The following ALDH8A1 variants were observed in gnomAD, a reference collection of about 807,000 sequenced individuals.
The protein encoded by ALDH8A1 is aldehyde dehydrogenase 8 family member A1.
In ALDH8A1, 39 loss-of-function variants were observed where a neutral mutation model predicts 43.3. That is an observed-to-expected ratio of 0.90 (90% CI 0.70 to 1.18). ALDH8A1 has a LOEUF of 1.18. Ranked by LOEUF, ALDH8A1 falls within the 50% of genes most tolerant of loss-of-function variation. The pLI is 0.00. For missense variants in ALDH8A1, 605 were observed against 622.6 expected, an observed-to-expected ratio of 0.97 and a Z score of 0.30; for synonymous variants, 233 against 243.5, an observed-to-expected ratio of 0.96 and a Z score of 0.40.
At chr6:134,938,112 G>A (rs1773778748) in intron 4 of ALDH8A1, among the ~76,000 whole-genome samples, 1 of 152,198 alleles carries the variant, frequency 6.6e-6, no homozygotes, top group African/African-American at 2.4e-5. Context: ...TACCCACCGG[G>A]CATTCTGTGG....
At chr6:134,929,378 G>A (rs1776942627) in intron 5 of ALDH8A1, among the ~76,000 whole-genome samples, 163 bp from the exon 6 acceptor site, 1 of 152,182 alleles carries the variant, frequency 6.6e-6, no homozygotes, top group Non-Finnish European at 1.5e-5. Flanking sequence ...TAGTCTTGTG[G>A]GAAAGACAAA....
Position 134,939,328 on chromosome 6 carries a change from GC to G in ALDH8A1, c.529del (p.Ala177ProfsTer6), listed in dbSNP as rs1457900866. 2 of 1,614,214 alleles carry G rather than the reference GC, an allele frequency of 1.2e-6. No homozygotes were observed. Among genetic ancestry groups the G allele is most frequent in the Non-Finnish European group, 1.7e-6 (2 of 1,180,034 alleles). ...CACTGAAGTCAGCTCACTGGGCTTG[GC>G]TATCACAGTGTTCCCTGCAGCCATC... ...PAMAAGNTVI[A>X]KPSELTSVTA... is the part of the protein sequence containing the mutation. On this transcript the variant is annotated frameshift_variant, in exon 4 of 7. Coordinates refer to ENST00000265605, the MANE Select transcript of ALDH8A1 (RefSeq NM_022568.4). LOFTEE classifies it high-confidence loss of function.
At position 134,944,006 on chromosome 6, in the gene ALDH8A1, G is replaced by C. The variant is rs368382422; in HGVS notation, c.139-40C>G. On this transcript the variant is annotated intron_variant, in intron 1 of 6. Transcript: ENST00000265605. ...TGGGAGAAAGGGTCACCTTAAAGCT[G>C]TTAGTCCTTGGGGGATGGACAAAAC... 1.8e-5 allele frequency: 28 copies of C among 1,591,772 alleles called. No individual in the cohort carries two copies. In the African/African-American group the frequency reaches 3.8e-4, roughly 21 times the overall value.
chr6:134,924,821 T>A (rs1206145741), intron 6 of ALDH8A1, among the ~76,000 whole-genome samples: 1 of 152,240 alleles, frequency 6.6e-6, no homozygotes, highest in African/African-American at 2.4e-5. Flanking sequence ...CTAAACTCAC[T>A]AAATTCTGTG....
chr6:134,918,948 T>G lies in ALDH8A1; in HGVS notation c.1012-81A>C, dbSNP rs186804357. 81 of 1,452,612 alleles carry G rather than the reference T, an allele frequency of 5.6e-5. 1 individual carries two copies. In the East Asian group the frequency reaches 1.8e-3, roughly 33 times the overall value. 90.0% of individuals were successfully genotyped at this position (1,452,612 alleles called of 1,614,324 possible). On this transcript the variant is annotated intron_variant, in intron 6 of 6. Coordinates refer to ENST00000265605, the MANE Select transcript of ALDH8A1 (RefSeq NM_022568.4). ...CAGCAGAAAATTCAATGTTTTCTAA[T>G]CATCTCGGAAGGAGGGATAAGGTCA...
intron 1 of ALDH8A1, among the ~76,000 whole-genome samples, chr6:134,946,053 C>T (rs906855702): frequency 3.3e-5 from 5 of 152,178 alleles, no homozygotes; most frequent in Non-Finnish European, 7.3e-5. Context: ...TTCCTGAGGC[C>T]TCCCCAGCCA....
chr6:134,931,330 C>T (rs1776982326), intron 5 of ALDH8A1, among the ~76,000 whole-genome samples: 1 of 152,150 alleles, frequency 6.6e-6, no homozygotes, highest in South Asian at 2.1e-4. Flanking sequence ...TTGGTGCTAA[C>T]TCGGCACACT....
rs1271117626 is a variant in ALDH8A1, at chr6:134,932,870, A to T, written c.755T>A (p.Leu252Gln). The stretch of plus-strand genomic sequence containing the variant: ...GGCAGGATTCTTGCCCCCCAGCTCC[A>T]GGGAGAGCTTTTTGCAGTGGGGAGC... ...LSAPHCKKLSLELGGKNPAII... is the reference protein window; with the variant it reads ...LSAPHCKKLSQELGGKNPAII... The change falls in exon 5 of 7, where the codon CTG becomes CAG. Residue 252 changes from leucine to glutamine, a missense_variant. Transcript: ENST00000265605. 2 of 1,614,066 alleles carry T rather than the reference A, an allele frequency of 1.2e-6. No individual in the cohort carries two copies. The highest frequency in any genetic ancestry group is 1.7e-6 in the Non-Finnish European group (2 of 1,180,024).
chr6:134,924,620 G>T (rs930105525), intron 6 of ALDH8A1, among the ~76,000 whole-genome samples: 1 of 152,016 alleles, frequency 6.6e-6, no homozygotes, highest in Non-Finnish European at 1.5e-5. Context: ...CCCAAATAAA[G>T]TCACTTTTAT....
At chr6:134,921,847 C>A (rs576917082) in intron 6 of ALDH8A1, among the ~76,000 whole-genome samples, 6 of 152,216 alleles carry the variant, frequency 3.9e-5, no homozygotes, top group African/African-American at 1.4e-4. Context: ...CATCCACTGC[C>A]TCCTCCAGCC....
chr6:134,925,361 G>A (rs1035796093), intron 6 of ALDH8A1, among the ~76,000 whole-genome samples: 12 of 152,148 alleles, frequency 7.9e-5, no homozygotes, highest in African/African-American at 2.9e-4. Context: ...AGGCTCGGAT[G>A]GTTTCAAGCG....
chr6:134,920,421 T>G (rs1411871148), intron 6 of ALDH8A1, among the ~76,000 whole-genome samples: 1 of 152,080 alleles, frequency 6.6e-6, no homozygotes, highest in Admixed American at 6.6e-5. Context: ...CAAAGGTGAG[T>G]GTCCTGTGTG....
At position 134,943,908 on chromosome 6, in the gene ALDH8A1, G is replaced by A. The variant is rs1400086171; in HGVS notation, c.197C>T (p.Pro66Leu). 2.5e-6 allele frequency: 4 copies of A among 1,614,066 alleles called. No individual in the cohort carries two copies. Among genetic ancestry groups the A allele is most frequent in the Admixed American group, 3.3e-5 (2 of 60,006 alleles). Residue 66 changes from proline (P) to leucine (L), a missense_variant, in exon 2 of 7, where the codon CCC becomes CTC. Coordinates refer to ENST00000265605, the MANE Select transcript of ALDH8A1 (RefSeq NM_022568.4). ...GTTCAGGACCCGTGAGCGCTCCTGGGGGCTGCGGGATGACCAGCTGGGAAA... is the reference window on the plus strand; with the variant it reads ...GTTCAGGACCCGTGAGCGCTCCTGGAGGCTGCGGGATGACCAGCTGGGAAA... ...EAFPSWSSRS[P>L]QERSRVLNQV...
chr6:134,932,954 A>G lies in ALDH8A1; in HGVS notation c.671T>C (p.Val224Ala). 1 of 1,613,712 alleles carries G rather than the reference A, an allele frequency of 6.2e-7. No homozygotes were observed. The highest frequency in any genetic ancestry group is 8.5e-7 in the Non-Finnish European group (1 of 1,179,852). The change falls in exon 5 of 7, where the codon GTG becomes GCG. Residue 224 changes from valine (V) to alanine (A), a missense_variant. Physicochemically the swap from Val to Ala is moderately conservative, Grantham distance 64. Transcript: ENST00000265605. ...GCTCCCGGTGAAGGAGATCAGGGGC[A>G]CCTCTGGGTGGGACACCAGGGCCTC... Reference protein sequence around the residue: ...VGEALVSHPEVPLISFTGSQP... With the variant: ...VGEALVSHPEAPLISFTGSQP...
chr6:134,932,751 G>A, intron 5 of ALDH8A1, 25 bp downstream of exon 5: 2 of 1,609,272 alleles, frequency 1.2e-6, no homozygotes, highest in Admixed American at 1.7e-5. Flanking sequence ...ATGGAGGGGA[G>A]GGAGAAGAAC....
At chr6:134,923,062 G>A (rs1173902162) in intron 6 of ALDH8A1, among the ~76,000 whole-genome samples, 2 of 152,172 alleles carry the variant, frequency 1.3e-5, no homozygotes, top group Admixed American at 6.5e-5. Context: ...GCATCTCACT[G>A]TCGCCCAGGC....
At position 134,929,148 on chromosome 6, in the gene ALDH8A1, C is replaced by A. The variant is rs1399308521; in HGVS notation, c.917G>T (p.Arg306Ile). The change falls in exon 6 of 7, where the codon AGA (arginine) becomes ATA (isoleucine). Residue 306 changes from arginine to isoleucine, a missense_variant. Physicochemically the swap from Arg to Ile is moderately conservative, Grantham distance 97 (BLOSUM62 -3). Coordinates refer to ENST00000265605, the MANE Select transcript of ALDH8A1 (RefSeq NM_022568.4). ...QKSIYSEFLK[R>I]FVEATRKWKV... ...CCACTTTCTGGTAGCTTCTACAAAT[C>A]TCTTTAAAAATTCACTATAGATGCT... is the stretch of plus-strand genomic sequence containing the variant. 1 of 1,614,156 alleles carries A rather than the reference C, an allele frequency of 6.2e-7. No homozygotes were observed. Among genetic ancestry groups the A allele is most frequent in the South Asian group, 1.1e-5 (1 of 91,088 alleles).
intron 6 of ALDH8A1, among the ~76,000 whole-genome samples, chr6:134,923,651 C>T (rs1776840200): frequency 6.6e-6 from 1 of 152,104 alleles, no homozygotes. Flanking sequence ...AAGCTGGCAC[C>T]ATGTCTAGGG....
chr6:134,947,616 G>A (rs1182290156), intron 1 of ALDH8A1, among the ~76,000 whole-genome samples: 1 of 151,920 alleles, frequency 6.6e-6, no homozygotes, highest in Non-Finnish European at 1.5e-5. Context: ...AAAAGAAGAT[G>A]TACAAATGGC....
Sources: allele counts gnomAD v4.1 joint callset (sites outside exome capture counted in the v4.1 genomes callset), GRCh38; gene constraint gnomAD v4.1.1; transcripts MANE v1.5; gene names NCBI Gene and HGNC (gene_info 2026-07-23, HGNC 2026-07-21).